The following NEDD4L variants were observed in gnomAD, a reference collection of about 807,000 sequenced individuals.
The protein encoded by NEDD4L is E3 ubiquitin-protein ligase NEDD4-like.
Under a neutral mutation model 148.9 loss-of-function variants are expected in NEDD4L, and 54 were observed. That is an observed-to-expected ratio of 0.36 (90% CI 0.29 to 0.45). The LOEUF is 0.45. Ranked by LOEUF, NEDD4L falls within the 20% of genes least tolerant of loss-of-function variation. The pLI is 1.00. For missense variants in NEDD4L, 856 were observed against 1,233.8 expected (o/e 0.69, Z 4.59); for synonymous variants, 433 against 440.7 (o/e 0.98, Z 0.22).
rs182329238 is a variant in NEDD4L, at chr18:58,396,792, T to G, written c.*523T>G. 1 of 152,012 alleles carries G rather than the reference T, an allele frequency of 6.6e-6. No homozygotes were observed. Among genetic ancestry groups the G allele is most frequent in the Admixed American group, 6.6e-5 (1 of 15,196 alleles). 9.4% of individuals were successfully genotyped at this position (152,012 alleles called of 1,614,324 possible). A position where few individuals can be genotyped will look rare whatever the true frequency, so the allele number is the denominator to read the frequency against. On this transcript the variant is annotated 3_prime_UTR_variant, in exon 31 of 31. Coordinates refer to ENST00000400345, the MANE Select transcript of NEDD4L (RefSeq NM_001144967.3). ...TTTATTTTTGAAGTACTCTGACACC[T>G]CCACCCTCTACTTTATTAGAATTGG...
At chr18:58,072,621 A>C (rs2082925996) in intron 1 of NEDD4L, among the ~76,000 whole-genome samples, 2 of 152,246 alleles carry the variant, frequency 1.3e-5, no homozygotes, top group Non-Finnish European at 2.9e-5. Flanking sequence ...AGTTAACATC[A>C]TACTTCATGG....
chr18:58,379,362 C>A (rs1464206188), intron 24 of NEDD4L, among the ~76,000 whole-genome samples: 1 of 152,224 alleles, frequency 6.6e-6, no homozygotes, highest in African/African-American at 2.4e-5. Flanking sequence ...GACGCTGCCC[C>A]GATTTCTCCC....
chr18:58,259,681 T>C (rs547237581), intron 5 of NEDD4L, among the ~76,000 whole-genome samples: 6 of 152,324 alleles, frequency 3.9e-5, no homozygotes, highest in African/African-American at 1.2e-4. Flanking sequence ...ACTATCTCAG[T>C]GTCTTGCTGA....
chr18:58,398,779 A>G lies in NEDD4L; in HGVS notation c.*2510A>G, dbSNP rs901676879. 2 of 152,258 alleles carry G rather than the reference A, an allele frequency of 1.3e-5. No homozygotes were observed. Among genetic ancestry groups the G allele is most frequent in the East Asian group, 3.8e-4 (2 of 5,206 alleles). 9.4% of individuals were successfully genotyped at this position (152,258 alleles called of 1,614,324 possible). On this transcript the variant is annotated 3_prime_UTR_variant, in exon 31 of 31. Transcript: ENST00000400345. ...ATCTTGATTTCTCTGAATCGTGATG[A>G]CCACACCCAGTCATCTTCACAGCAT...
At chr18:58,224,530 G>A (rs887407343) in intron 2 of NEDD4L, among the ~76,000 whole-genome samples, 1 of 152,116 alleles carries the variant, frequency 6.6e-6, no homozygotes, top group African/African-American at 2.4e-5. Context: ...TTTTGTTGAG[G>A]TTTTCAGGGC....
intron 17 of NEDD4L, 126 bp from the exon 18 acceptor site, chr18:58,350,865 A>T: frequency 1.5e-6 from 1 of 666,754 alleles, no homozygotes; most frequent in Non-Finnish European, 2.6e-6. Context: ...TTCACGCTCA[A>T]TGCATAAATG....
At chr18:58,391,135 T>A (rs2049779486) in intron 29 of NEDD4L, among the ~76,000 whole-genome samples, 1 of 152,192 alleles carries the variant, frequency 6.6e-6, no homozygotes, top group Non-Finnish European at 1.5e-5. Flanking sequence ...CTCTGTACTT[T>A]GCATACTGAA....
intron 5 of NEDD4L, among the ~76,000 whole-genome samples, chr18:58,270,405 A>C (rs2050868713): frequency 6.6e-6 from 1 of 152,202 alleles, no homozygotes; most frequent in South Asian, 2.1e-4. Context: ...GAGAGTGCAA[A>C]CTGTAGCTCA....
intron 2 of NEDD4L, among the ~76,000 whole-genome samples, chr18:58,203,118 C>A (rs971414242): frequency 6.6e-6 from 1 of 152,104 alleles, no homozygotes; most frequent in Non-Finnish European, 1.5e-5. Context: ...CAGGCACACA[C>A]CACCACACCA....
intron 12 of NEDD4L, 84 bp from the exon 13 acceptor site, chr18:58,335,394 C>A: frequency 1.8e-6 from 2 of 1,109,490 alleles, no homozygotes; most frequent in Non-Finnish European, 2.8e-6. Flanking sequence ...TGCCTTACAG[C>A]GCTGCCACAG....
At chr18:58,371,321 G>T (rs559729442) in intron 23 of NEDD4L, among the ~76,000 whole-genome samples, 1 of 150,354 alleles carries the variant, frequency 6.7e-6, no homozygotes, top group Admixed American at 6.7e-5. Flanking sequence ...CCAAAGTGCT[G>T]GGATTACAGG....
chr18:58,094,171 T>C (rs975620013), intron 1 of NEDD4L, among the ~76,000 whole-genome samples: 22 of 123,350 alleles, frequency 1.8e-4, no homozygotes, highest in Admixed American at 9.4e-4. Context: ...TGCACCCCCT[T>C]TTTTTTTTTT....
At chr18:58,343,376 G>C (rs1337610497) in intron 16 of NEDD4L, among the ~76,000 whole-genome samples, 6 of 152,036 alleles carry the variant, frequency 3.9e-5, no homozygotes, top group Admixed American at 3.9e-4. Flanking sequence ...GGATGGAAAG[G>C]TATTGCTCTG....
At chr18:58,341,589 TG>T in intron 14 of NEDD4L, 88 bp from the exon 15 acceptor site, 1 of 1,393,242 alleles carries the variant, frequency 7.2e-7, no homozygotes, top group Non-Finnish European at 9.8e-7. Context: ...TTATTATTGC[TG>T]TTTGCGTTGT....
At chr18:58,045,067 T>A (rs2081512180) in intron 1 of NEDD4L, 2 of 407,174 alleles carry the variant, frequency 4.9e-6, no homozygotes, top group East Asian at 7.1e-5. Flanking sequence ...CTCTCGCCCC[T>A]GCAGCCCGGG....
intron 13 of NEDD4L, 83 bp downstream of exon 13, chr18:58,335,620 T>C (rs2041644643): frequency 1.9e-6 from 2 of 1,035,468 alleles, no homozygotes; most frequent in Non-Finnish European, 3.1e-6. Flanking sequence ...ATATACGCTG[T>C]TTTTAAAAAT....
chr18:58,297,318 A>G (rs943081794), intron 5 of NEDD4L, among the ~76,000 whole-genome samples: 1 of 152,148 alleles, frequency 6.6e-6, no homozygotes, highest in African/African-American at 2.4e-5. Context: ...GAGAGTGTCA[A>G]AAAATTCAGA....
intron 5 of NEDD4L, among the ~76,000 whole-genome samples, chr18:58,294,166 A>G (rs2055189348): frequency 6.6e-6 from 1 of 152,192 alleles, no homozygotes; most frequent in Non-Finnish European, 1.5e-5. Context: ...AATACACATC[A>G]CACTTTCTGC....
chr18:58,172,558 A>G (rs767369362), intron 2 of NEDD4L, among the ~76,000 whole-genome samples: 19 of 152,232 alleles, frequency 1.2e-4, no homozygotes, highest in Non-Finnish European at 2.4e-4. Flanking sequence ...CTTTTTGCAG[A>G]TAAAGAAACT....
Sources: allele counts gnomAD v4.1 joint callset (sites outside exome capture counted in the v4.1 genomes callset), GRCh38; gene constraint gnomAD v4.1.1; transcripts MANE v1.5; gene names NCBI Gene and HGNC (gene_info 2026-07-23, HGNC 2026-07-21).